Variants in CT45A10 observed in about 807,000 individuals in gnomAD.
CT45A10 encodes the protein cancer/testis antigen family 45 member A10.
A neutral mutation model predicts 8.3 loss-of-function variants in CT45A10; 19 were observed. The observed-to-expected ratio is 2.30, with a 90% CI of 1.61 to 3.38. CT45A10 has a LOEUF of 3.38. Ranked by LOEUF, CT45A10 falls within the 30% of genes most tolerant of loss-of-function variation. CT45A10 has a pLI of 0.00. For missense variants in CT45A10, 149 were observed against 85.9 expected, an observed-to-expected ratio of 1.73 and a Z score of -2.90; for synonymous variants, 28 against 26.5, an observed-to-expected ratio of 1.06 and a Z score of -0.17.
At chrX:135,887,693 C>T (rs1249269356) in intron 1 of CT45A10, among the ~76,000 whole-genome samples, 1 of 107,427 alleles carries the variant, frequency 9.3e-6, no homozygotes, top group African/African-American at 3.3e-5. Flanking sequence ...GGTGGCACTG[C>T]AATCCAGTCT....
intron 1 of CT45A10, among the ~76,000 whole-genome samples, chrX:135,888,062 G>T (rs2088453007): frequency 8.9e-6 from 1 of 112,970 alleles, no homozygotes; most frequent in Non-Finnish European, 1.9e-5. Context: ...AGGTCACGTG[G>T]CCTCCTTCAT....
intron 2 of CT45A10, among the ~76,000 whole-genome samples, chrX:135,883,559 A>G (rs1408021705): frequency 7.3e-5 from 8 of 109,348 alleles, no homozygotes; most frequent in African/African-American, 2.7e-4. Flanking sequence ...ATGGAAACCA[A>G]GTAAGGCAGT....
chrX:135,889,488 A>G (rs1203202345), intron 1 of CT45A10, among the ~76,000 whole-genome samples: 13 of 95,971 alleles, frequency 1.4e-4, no homozygotes, highest in South Asian at 4.3e-4. Flanking sequence ...AAAAAAAAAA[A>G]AAAGAAAGAA....
intron 1 of CT45A10, among the ~76,000 whole-genome samples, chrX:135,888,179 A>T (rs1363649311): frequency 1.8e-5 from 2 of 113,340 alleles, no homozygotes; most frequent in South Asian, 3.6e-4. Context: ...TAATAATTTT[A>T]AAAACCCAGC....
chrX:135,893,006 C>T (rs1471007691), intron 1 of CT45A10, among the ~76,000 whole-genome samples: 2 of 110,310 alleles, frequency 1.8e-5, no homozygotes, highest in African/African-American at 6.6e-5. Flanking sequence ...ACGGCCACAC[C>T]CGAGGCTGAC....
In CT45A10 at chrX:135,883,043, C is replaced by T. The variant is rs1297341364; in HGVS notation, c.383G>A (p.Cys128Tyr). Residue 128 changes from cysteine to tyrosine, a missense_variant, in exon 3 of 5, where the codon TGT becomes TAT. Transcript: ENST00000682849. ...GCATCGGATTTCCTTCACTACTTGA[C>T]ATTTTATATCAGCATTAATTTCTTG... ...SQQEINADIKCQVVKEIRCLG... is the reference protein window; with the variant it reads ...SQQEINADIKYQVVKEIRCLG... 5.0e-6 allele frequency: 6 copies of T among 1,198,580 alleles called. No homozygotes were observed. The highest frequency in any genetic ancestry group is 1.8e-5 in the South Asian group (1 of 55,998).
At chrX:135,882,957 A>G in intron 3 of CT45A10, 51 bp downstream of exon 3, 1 of 1,173,266 alleles carries the variant, frequency 8.5e-7, no homozygotes, top group Non-Finnish European at 1.2e-6. Flanking sequence ...TGAATCATAG[A>G]AAGAGTGACT....
In CT45A10 at chrX:135,883,022, C is replaced by G; in HGVS notation, c.404G>C (p.Arg135Pro). The G allele has an allele frequency of 8.3e-7, 1 of 1,198,342 alleles. No individual in the cohort carries two copies. The highest frequency in any genetic ancestry group is 1.1e-6 in the Non-Finnish European group (1 of 885,492). Reference protein sequence around the residue: ...DIKCQVVKEIRCLGRKYEKIF... With the variant: ...DIKCQVVKEIPCLGRKYEKIF... The stretch of plus-strand genomic sequence containing the variant: ...ACACTACTTACTTCGTCCAAGGCAT[C>G]GGATTTCCTTCACTACTTGACATTT... Residue 135 changes from arginine to proline, a missense_variant, in exon 3 of 5, where the codon CGA becomes CCA. Physicochemically the swap from Arg to Pro is moderately radical, Grantham distance 103 (BLOSUM62 -2). Transcript: ENST00000682849.
rs1158177559 is a variant in CT45A10, at chrX:135,882,575, C to A, written c.473G>T (p.Arg158Met). 1.7e-6 allele frequency: 2 copies of A among 1,143,691 alleles called. No homozygotes were observed. Among genetic ancestry groups the A allele is most frequent in the Non-Finnish European group, 2.3e-6 (2 of 861,323 alleles). The allele number at this position is 1,143,691 out of a possible 1,213,427, so 94.3% of individuals were successfully genotyped here. The change falls in exon 4 of 5, where the codon AGG becomes ATG. Residue 158 changes from arginine to methionine, a missense_variant. By Grantham distance (91) the Arg-to-Met change is moderately conservative. Transcript: ENST00000682849. ...LEGVQGPTAVRKRFFESIIKE... is the reference protein window; with the variant it reads ...LEGVQGPTAVMKRFFESIIKE... ...GATGATGGATTCAAAAAATCGTTTC[C>A]TGACTGCAGTAGGTCCTTGCACTCC...
chrX:135,883,320 C>A (rs1269917141), intron 2 of CT45A10, 64 bp from the exon 3 acceptor site: 1 of 1,192,383 alleles, frequency 8.4e-7, no homozygotes, highest in African/African-American at 1.8e-5. Context: ...TTCCCCTCCA[C>A]ATAAACCTCA....
intron 1 of CT45A10, among the ~76,000 whole-genome samples, chrX:135,891,620 A>C (rs1276255566): frequency 9.1e-6 from 1 of 110,290 alleles, no homozygotes; most frequent in Non-Finnish European, 1.9e-5. Flanking sequence ...ATTCCATGAA[A>C]ATTTATTTGA....
Position 135,883,065 on chromosome X carries a change from C to A in CT45A10, c.361G>T (p.Glu121Ter). 2 of 1,198,715 alleles carry A rather than the reference C, an allele frequency of 1.7e-6. No homozygotes were observed. The highest frequency in any genetic ancestry group is 3.0e-5 in the East Asian group (1 of 33,643). ...GIASSPKSQQ[E>*]INADIKCQVV... The stretch of plus-strand genomic sequence containing the variant: ...TGACATTTTATATCAGCATTAATTT[C>A]TTGTTGGCTTTTGGGAGAGGAGGCT... Residue 121 changes from glutamate to a stop codon, truncating the protein, a stop_gained, in exon 3 of 5, where the codon GAA (glutamate) becomes TAA (stop). Coordinates refer to ENST00000682849, the MANE Select transcript of CT45A10 (RefSeq NM_001291529.2). LOFTEE classifies it high-confidence loss of function.
chrX:135,886,822 GCA>G (rs2088434537), intron 1 of CT45A10, among the ~76,000 whole-genome samples: 1 of 59,762 alleles, frequency 1.7e-5, no homozygotes, highest in African/African-American at 5.9e-5. Flanking sequence ...CAGTGGAGTG[GCA>G]CAGTCTCTGC....
rs1460943004 is a variant in CT45A10 at position 135,882,625 on chromosome X, A to G, written c.423T>C (p.Tyr141=). The change falls in exon 4 of 5, where the codon TAT becomes TAC. Residue 141 remains tyrosine, a synonymous_variant. Transcript: ENST00000682849. ...CTTCAAGCATTTCGAAGATTTTTTC[A>G]TATTCTGAAGATGTTGAAAAAAAAA... ...VKEIRCLGRK[Y]EKIFEMLEGV... is the part of the protein sequence containing the mutation. 1 of 1,157,883 alleles carries G rather than the reference A, an allele frequency of 8.6e-7. No individual in the cohort carries two copies. Among genetic ancestry groups the G allele is most frequent in the Admixed American group, 2.3e-5 (1 of 43,998 alleles).
At chrX:135,891,030 C>T (rs1460214968) in intron 1 of CT45A10, among the ~76,000 whole-genome samples, 8 of 111,707 alleles carry the variant, frequency 7.2e-5, no homozygotes, top group Non-Finnish European at 1.5e-4. Context: ...TCCTGTAAAT[C>T]ATTGTGGAAA....
chrX:135,892,873 G>A (rs1171373062), intron 1 of CT45A10, among the ~76,000 whole-genome samples: 1 of 110,043 alleles, frequency 9.1e-6, no homozygotes, highest in African/African-American at 3.3e-5. Flanking sequence ...GCGACAGAGA[G>A]TGACCCCATA....
chrX:135,891,401 T>C (rs1301255092), intron 1 of CT45A10, among the ~76,000 whole-genome samples: 3 of 107,438 alleles, frequency 2.8e-5, no homozygotes, highest in African/African-American at 1.0e-4. Context: ...ATATAGTATA[T>C]ATAATATAAT....
At chrX:135,892,234 G>T (rs782275738) in intron 1 of CT45A10, among the ~76,000 whole-genome samples, 5 of 110,972 alleles carry the variant, frequency 4.5e-5, no homozygotes, top group Non-Finnish European at 9.4e-5. Flanking sequence ...AATCGAGCGA[G>T]CCTGGGAGCC....
chrX:135,890,405 C>T (rs181776742), intron 1 of CT45A10, among the ~76,000 whole-genome samples: 29 of 112,262 alleles, frequency 2.6e-4, no homozygotes, highest in African/African-American at 8.4e-4. Context: ...AGCAGGCCCC[C>T]GCGGAGGATC....
Sources: gnomAD v4.1 joint callset for allele counts (sites outside exome capture counted in the v4.1 genomes callset) on GRCh38, gnomAD v4.1.1 for gene constraint, MANE v1.5 for transcripts, NCBI Gene and HGNC (gene_info 2026-07-23, HGNC 2026-07-21) for gene names.